NRXN1: variants seen among roughly 807,000 people sequenced by gnomAD.
NRXN1 encodes neurexin 1.
NRXN1 carries 39 observed loss-of-function variants against 150.9 expected under a neutral mutation model. The observed-to-expected ratio is 0.26, with a 90% CI of 0.20 to 0.34. The LOEUF is 0.34. NRXN1 is among the 10% of genes least tolerant of loss of function. The pLI is 1.00. For synonymous variants in NRXN1, 924 were observed against 757.0 expected, an observed-to-expected ratio of 1.22 and a Z score of -3.62; for missense variants, 1,815 against 1,949.9, an observed-to-expected ratio of 0.93 and a Z score of 1.30.
At chr2:51,023,361 C>T (rs1669924805) in intron 2 of NRXN1, among the ~76,000 whole-genome samples, 1 of 152,166 alleles carries the variant, frequency 6.6e-6, no homozygotes, top group South Asian at 2.1e-4. Context: ...TGCCTGACCC[C>T]ACTCCTCTCA....
chr2:50,083,585 C>T lies in NRXN1; in HGVS notation c.3718+7738G>A, dbSNP rs566661079. Among the ~76,000 whole-genome samples the T allele has an allele frequency of 5.9e-5, 9 of 152,144 alleles. No individual in the cohort carries two copies. In the East Asian group the frequency reaches 7.7e-4, roughly 13 times the overall value. ...GCAAAAGAACAAGGCTTCCACAACA[C>T]GCAAGAGGACCCCAGCAGGTGGCCA... On this transcript the variant is annotated intron_variant, in intron 19 of 22. Coordinates refer to ENST00000401669, the MANE Select transcript of NRXN1 (RefSeq NM_001330078.2).
intron 2 of NRXN1, among the ~76,000 whole-genome samples, chr2:50,953,086 T>C (rs1054287403): frequency 1.3e-5 from 2 of 152,102 alleles, no homozygotes; most frequent in African/African-American, 4.8e-5. Flanking sequence ...AATGGGAGAT[T>C]TAAGAAGTAG....
chr2:50,195,305 T>G (rs537269980), intron 18 of NRXN1, among the ~76,000 whole-genome samples: 1 of 152,276 alleles, frequency 6.6e-6, no homozygotes, highest in South Asian at 2.1e-4. Flanking sequence ...CACAGCATCA[T>G]GTTTAAATGA....
At chr2:49,926,502 T>C (rs1185978318) in intron 22 of NRXN1, 2 of 395,900 alleles carry the variant, frequency 5.1e-6, no homozygotes, top group African/African-American at 4.1e-5. Context: ...TAGTAACCTA[T>C]TTCTGCACTA....
rs568054918 is a variant in NRXN1, at chr2:50,535,380, G to C, written c.2143+2873C>G. ...AATTTCCTTTTCTACATTATTCTTT[G>C]TTGCAGTCTAAAGTGTACACCTGTG... On this transcript the variant is annotated intron_variant, in intron 10 of 22. Coordinates refer to ENST00000401669, the MANE Select transcript of NRXN1 (RefSeq NM_001330078.2). 2.6e-4 allele frequency among the ~76,000 whole-genome samples: 39 copies of C among 152,176 alleles called. No individual in the cohort carries two copies. The East Asian group carries it at 7.3e-3, about 29-fold the overall frequency.
chr2:50,236,945 T>A lies in NRXN1; in HGVS notation c.3390A>T (p.Lys1130Asn), dbSNP rs1462799887. The A allele has an allele frequency of 6.2e-7, 1 of 1,613,320 alleles. No homozygotes were observed. Among genetic ancestry groups the A allele is most frequent in the Admixed American group, 1.7e-5 (1 of 59,914 alleles). ...ACTTATACGTGATTTGTCCACCACC[T>A]TTGCTAAAGATATATGTCGTCCCAG... Reference protein sequence around the residue: ...NDPGTTYIFSKGGGQITYKWP... With the variant: ...NDPGTTYIFSNGGGQITYKWP... The change falls in exon 18 of 23, where the codon AAA (lysine) becomes AAT (asparagine). Residue 1130 changes from lysine (K) to asparagine (N), a missense_variant. Around this residue, in one of 6 missense-constraint regions of NRXN1, gnomAD observed 339 missense variants for 440.3 expected, o/e 0.77. Transcript: ENST00000401669.
intron 18 of NRXN1, among the ~76,000 whole-genome samples, chr2:50,156,661 G>A (rs532724470): frequency 2.0e-5 from 3 of 151,964 alleles, no homozygotes; most frequent in Admixed American, 1.3e-4. Flanking sequence ...CCAATACAAT[G>A]TAAAGTTTCA....
chr2:50,457,624 T>A (rs1327317040), intron 17 of NRXN1, among the ~76,000 whole-genome samples: 2 of 152,010 alleles, frequency 1.3e-5, no homozygotes, highest in African/African-American at 2.4e-5. Flanking sequence ...AAAATAATTA[T>A]AACAAATAAT....
chr2:50,054,132 G>A (rs756493666), intron 20 of NRXN1, among the ~76,000 whole-genome samples: 28 of 151,222 alleles, frequency 1.9e-4, no homozygotes, highest in Non-Finnish European at 3.5e-4. Context: ...CTATTTTTCC[G>A]GCAATCACAC....
intron 5 of NRXN1, chr2:50,841,019 T>G (rs1048682892): frequency 6.6e-6 from 1 of 152,580 alleles, no homozygotes; most frequent in Non-Finnish European, 1.5e-5. Flanking sequence ...CAACGTTGCT[T>G]CTGCCCCTCT....
intron 19 of NRXN1, among the ~76,000 whole-genome samples, chr2:50,071,132 T>A (rs1484457687): frequency 1.3e-5 from 2 of 152,230 alleles, no homozygotes; most frequent in East Asian, 3.8e-4. Context: ...ACAGTTAGGC[T>A]GTGTCATATA....
intron 5 of NRXN1, among the ~76,000 whole-genome samples, chr2:50,833,793 C>A (rs56316058): frequency 0.17 from 25,247 of 152,016 alleles, 2,288 homozygotes; most frequent in Middle Eastern, 0.19. Context: ...AGTCAATTTT[C>A]TTATATGTTA....
chr2:50,641,993 A>T (rs527365073), intron 5 of NRXN1, among the ~76,000 whole-genome samples: 24 of 152,268 alleles, frequency 1.6e-4, no homozygotes, highest in African/African-American at 5.8e-4. Flanking sequence ...TCCCTGAATC[A>T]ACATATGCAT....
chr2:50,329,645 A>T (rs1186477398), intron 17 of NRXN1, among the ~76,000 whole-genome samples: 110 of 7,266 alleles, frequency 0.015, 12 homozygotes, highest in African/African-American at 0.11. Flanking sequence ...ATATATATAT[A>T]TATATATATA....
At chr2:50,786,883 A>G (rs1051462220) in intron 5 of NRXN1, among the ~76,000 whole-genome samples, 9 of 152,160 alleles carry the variant, frequency 5.9e-5, no homozygotes, top group African/African-American at 2.2e-4. Flanking sequence ...CACCAAGCTA[A>G]TAACATATAA....
At chr2:50,485,341 C>T (rs935285885) in intron 15 of NRXN1, among the ~76,000 whole-genome samples, 1 of 152,194 alleles carries the variant, frequency 6.6e-6, no homozygotes, top group East Asian at 1.9e-4. Context: ...TAAAATGGAT[C>T]AGAAATGGGA....
chr2:50,316,309 G>A (rs557345406), intron 17 of NRXN1, among the ~76,000 whole-genome samples: 4 of 152,120 alleles, frequency 2.6e-5, no homozygotes, highest in East Asian at 3.9e-4. Flanking sequence ...CCTCCACTGA[G>A]GACTCTACCT....
At chr2:50,248,366 T>C (rs2066707400) in intron 17 of NRXN1, among the ~76,000 whole-genome samples, 2 of 152,226 alleles carry the variant, frequency 1.3e-5, no homozygotes, top group African/African-American at 2.4e-5. Context: ...GAGAGGTAGC[T>C]TGAGAAACAC....
At chr2:50,435,890 C>A (rs892104296) in intron 17 of NRXN1, among the ~76,000 whole-genome samples, 6 of 152,032 alleles carry the variant, frequency 3.9e-5, no homozygotes, top group African/African-American at 1.2e-4. Flanking sequence ...AATCTGTACA[C>A]CAAAACCCCG....
Sources: gnomAD v4.1 joint callset for allele counts (sites outside exome capture counted in the v4.1 genomes callset) on GRCh38, gnomAD v4.1.1 for gene constraint, gnomAD v4.1.1 regional missense constraint, MANE v1.5 for transcripts, NCBI Gene and HGNC (gene_info 2026-07-23, HGNC 2026-07-21) for gene names.